The following STK33 variants were observed in gnomAD, a reference collection of about 807,000 sequenced individuals.
The protein encoded by STK33 is serine/threonine-protein kinase 33.
STK33 carries 52 observed loss-of-function variants against 58.0 expected under a neutral mutation model. The ratio of observed to expected loss-of-function variants is 0.90; its 90% CI spans 0.72 to 1.13. The LOEUF is 1.13. Ranked by LOEUF, STK33 falls within the 50% of genes most tolerant of loss-of-function variation. STK33 has a pLI of 0.00. For synonymous variants in STK33, 215 were observed against 200.1 expected (o/e 1.07, Z -0.63); for missense variants, 630 against 604.2 (o/e 1.04, Z -0.45).
chr11:8,501,080 A>G (rs980484636), intron 1 of STK33, among the ~76,000 whole-genome samples: 1 of 152,192 alleles, frequency 6.6e-6, no homozygotes, highest in Non-Finnish European at 1.5e-5. Context: ...AAGGGCTAAA[A>G]CTATAAAACT....
chr11:8,545,756 G>A lies in STK33; in HGVS notation c.-466+48327C>T, dbSNP rs527790550. On this transcript the variant is annotated intron_variant, in intron 1 of 15. Coordinates refer to ENST00000687296, the MANE Select transcript of STK33 (RefSeq NM_001352389.2). ...CTTCAAAACAAGAAGAGAGATGAATGACCAATACAATCCTGAGCAAAAAGA... is the reference window on the plus strand; with the variant it reads ...CTTCAAAACAAGAAGAGAGATGAATAACCAATACAATCCTGAGCAAAAAGA... 9.8e-4 allele frequency among the ~76,000 whole-genome samples: 149 copies of A among 152,208 alleles called. 1 individual carries two copies. Among genetic ancestry groups the A allele is most frequent in the African/African-American group, 3.4e-3 (142 of 41,536 alleles).
chr11:8,471,428 CAGA>C lies in STK33; in HGVS notation c.339+1732_339+1734del, dbSNP rs533131231. On this transcript the variant is annotated intron_variant, in intron 6 of 15. Coordinates refer to ENST00000687296, the MANE Select transcript of STK33 (RefSeq NM_001352389.2). ...TAATGTAGATCTATTTTTACTGACA[CAGA>C]AGAAGTCCATGACATAGTGTACAGT... 1.5e-3 allele frequency among the ~76,000 whole-genome samples: 232 copies of C among 151,972 alleles called. 1 individual carries two copies. The highest frequency in any genetic ancestry group is 3.4e-3 in the Middle Eastern group (1 of 294).
chr11:8,510,319 A>G (rs1320580062), intron 1 of STK33, among the ~76,000 whole-genome samples: 1 of 152,142 alleles, frequency 6.6e-6, no homozygotes, highest in Non-Finnish European at 1.5e-5. Context: ...TTGTCTATTC[A>G]TGTCCTTTGC....
chr11:8,448,758 G>A (rs1201530421), intron 11 of STK33, among the ~76,000 whole-genome samples: 3 of 152,086 alleles, frequency 2.0e-5, no homozygotes, highest in Admixed American at 6.6e-5. Flanking sequence ...AAAAGCAATG[G>A]CAACAAAAGC....
chr11:8,371,621 TTTCC>T, the STK33 span, among the ~76,000 whole-genome samples: 1 of 108,012 alleles, frequency 9.3e-6, no homozygotes, highest in Non-Finnish European at 2.0e-5. Context: ...TTCTCTTTCT[TTTCC>T]TTCCTTCCTT....
At chr11:8,419,059 G>T (rs1201446812) in intron 14 of STK33, among the ~76,000 whole-genome samples, 1 of 151,780 alleles carries the variant, frequency 6.6e-6, no homozygotes, top group African/African-American at 2.4e-5. Flanking sequence ...ATAGTTTCTT[G>T]TACTGTACAG....
chr11:8,553,179 T>TC (rs2140655999), intron 1 of STK33, among the ~76,000 whole-genome samples: 1 of 75,520 alleles, frequency 1.3e-5, no homozygotes, highest in East Asian at 3.8e-4. Flanking sequence ...TATATATATA[T>TC]ATATATATAT....
the STK33 span, among the ~76,000 whole-genome samples, chr11:8,337,896 C>T: frequency 7.2e-5 from 11 of 152,192 alleles, no homozygotes; most frequent in Non-Finnish European, 1.5e-4. Context: ...TGCAGCTTCT[C>T]AGGGAAACTT....
At chr11:8,458,408 G>A (rs896482604) in intron 8 of STK33, among the ~76,000 whole-genome samples, 2 of 138,866 alleles carry the variant, frequency 1.4e-5, no homozygotes, top group Non-Finnish European at 3.1e-5. Context: ...CAGAAACTTA[G>A]CTTATGGGCC....
At chr11:8,336,909 A>G in the STK33 span, among the ~76,000 whole-genome samples, 1 of 152,218 alleles carries the variant, frequency 6.6e-6, no homozygotes, top group African/African-American at 2.4e-5. Flanking sequence ...GAGGCCGGTA[A>G]TGAGGATCTC....
intron 15 of STK33, among the ~76,000 whole-genome samples, chr11:8,405,762 C>G (rs1039832344): frequency 1.3e-5 from 2 of 152,098 alleles, no homozygotes; most frequent in Non-Finnish European, 2.9e-5. Flanking sequence ...TTCATCTTCC[C>G]TCATATATAT....
chr11:8,357,920 T>C, the STK33 span, among the ~76,000 whole-genome samples: 6 of 152,110 alleles, frequency 3.9e-5, no homozygotes, highest in Admixed American at 2.0e-4. Flanking sequence ...AGCCAGAAAA[T>C]TGCAGGTACT....
rs1836221086 is a variant in STK33, at chr11:8,419,190, T to C, written c.1147-5498A>G. 2.6e-5 allele frequency among the ~76,000 whole-genome samples: 4 copies of C among 152,226 alleles called. No individual in the cohort carries two copies. In the South Asian group the frequency reaches 8.3e-4, roughly 32 times the overall value. ...GTCCAGAATGGTGTTGCCTAGATTG[T>C]CTTCCAGAGTTTTTACAGTTTTGCA... On this transcript the variant is annotated intron_variant, in intron 14 of 15. Coordinates refer to ENST00000687296, the MANE Select transcript of STK33 (RefSeq NM_001352389.2).
chr11:8,569,773 A>G (rs1482998775), intron 1 of STK33, among the ~76,000 whole-genome samples: 2 of 152,066 alleles, frequency 1.3e-5, no homozygotes, highest in Non-Finnish European at 2.9e-5. Flanking sequence ...CCTAGGCAAC[A>G]TGGCAAAACC....
At chr11:8,530,039 G>A (rs1045976763) in intron 1 of STK33, among the ~76,000 whole-genome samples, 3 of 152,162 alleles carry the variant, frequency 2.0e-5, no homozygotes, top group East Asian at 1.9e-4. Flanking sequence ...GGTGCGAGAG[G>A]GGGCGGAAAA....
At chr11:8,402,252 G>A (rs1367994571) in intron 15 of STK33, among the ~76,000 whole-genome samples, 1 of 152,220 alleles carries the variant, frequency 6.6e-6, no homozygotes, top group Non-Finnish European at 1.5e-5. Context: ...TTAAGAAAAT[G>A]AGGCACATAT....
intron 1 of STK33, among the ~76,000 whole-genome samples, chr11:8,506,983 G>A (rs1479608273): frequency 1.3e-5 from 2 of 152,100 alleles, no homozygotes; most frequent in Non-Finnish European, 2.9e-5. Flanking sequence ...TTCCAATTCT[G>A]ATCATTGCTT....
chr11:8,481,228 C>T (rs1949771196), intron 1 of STK33, among the ~76,000 whole-genome samples: 1 of 152,152 alleles, frequency 6.6e-6, no homozygotes, highest in Non-Finnish European at 1.5e-5. Flanking sequence ...ATAGCCAGAC[C>T]TCTGCAAACT....
chr11:8,489,867 T>G (rs999196502), intron 1 of STK33, among the ~76,000 whole-genome samples: 19 of 151,932 alleles, frequency 1.3e-4, no homozygotes, highest in African/African-American at 4.4e-4. Flanking sequence ...GCAGAAGAAA[T>G]AGTAAACCTG....
Sources: gnomAD v4.1 joint callset for allele counts (sites outside exome capture counted in the v4.1 genomes callset) on GRCh38, gnomAD v4.1.1 for gene constraint, MANE v1.5 for transcripts, NCBI Gene and HGNC (gene_info 2026-07-23, HGNC 2026-07-21) for gene names.